NELL2: variants seen among roughly 807,000 people sequenced by gnomAD.
NELL2 encodes protein kinase C-binding protein NELL2.
NELL2 carries 41 observed loss-of-function variants against 109.6 expected under a neutral mutation model. The ratio of observed to expected loss-of-function variants is 0.37; its 90% CI spans 0.29 to 0.49. NELL2 has a LOEUF of 0.49. Ranked by LOEUF, NELL2 falls within the 20% of genes least tolerant of loss-of-function variation. The pLI, the probability that NELL2 is intolerant of heterozygous loss-of-function variation, is 0.98. For missense variants in NELL2, 900 were observed against 1,008.3 expected (o/e 0.89, Z 1.45); for synonymous variants, 355 against 344.7 (o/e 1.03, Z -0.33).
At chr12:44,568,248 A>G (rs754197973) in intron 15 of NELL2, among the ~76,000 whole-genome samples, 5 of 152,176 alleles carry the variant, frequency 3.3e-5, no homozygotes, top group African/African-American at 7.2e-5. Flanking sequence ...GAGTATCACA[A>G]TTTCATGAAA....
chr12:44,543,225 C>T (rs74085094), intron 15 of NELL2, among the ~76,000 whole-genome samples: 6,783 of 151,274 alleles, frequency 0.045, 514 homozygotes, highest in African/African-American at 0.15. Context: ...CCATCAGTTA[C>T]TTGGGCAAAA....
intron 15 of NELL2, among the ~76,000 whole-genome samples, chr12:44,552,135 A>G (rs1259372160): frequency 1.3e-5 from 2 of 152,236 alleles, no homozygotes; most frequent in Non-Finnish European, 2.9e-5. Context: ...AATTTTAAAA[A>G]GATCACTTAA....
chr12:44,854,875 G>C (rs1162285931), intron 2 of NELL2, among the ~76,000 whole-genome samples: 1 of 152,018 alleles, frequency 6.6e-6, no homozygotes, highest in African/African-American at 2.4e-5. Flanking sequence ...ACTTTTTTCA[G>C]AGACCTAGTT....
At position 44,821,046 on chromosome 12, in the gene NELL2, TAC is replaced by T. The variant is rs10664645; in HGVS notation, c.185-4912_185-4911del. 3.2e-3 allele frequency among the ~76,000 whole-genome samples: 482 copies of T among 148,944 alleles called. 3 individuals are homozygous for T. Among genetic ancestry groups the T allele is most frequent in the African/African-American group, 0.011 (426 of 40,382 alleles). On this transcript the variant is annotated intron_variant, in intron 2 of 19. Coordinates refer to ENST00000429094, the MANE Select transcript of NELL2 (RefSeq NM_001145108.2). ...GGGCAGCATATATAAGCTTTATAAA[TAC>T]ACACACACACACACACACACACGTA...
At chr12:44,617,504 G>A (rs868158305) in intron 13 of NELL2, among the ~76,000 whole-genome samples, 16 of 110,924 alleles carry the variant, frequency 1.4e-4, no homozygotes, top group East Asian at 2.0e-4. Flanking sequence ...TGGCTAAAAC[G>A]GTGAAACCCC....
At chr12:44,694,677 A>C (rs1247328390) in intron 12 of NELL2, among the ~76,000 whole-genome samples, 1 of 151,802 alleles carries the variant, frequency 6.6e-6, no homozygotes, top group Non-Finnish European at 1.5e-5. Flanking sequence ...ACAGTTTTGA[A>C]AGTGACAGTG....
chr12:44,724,755 A>AG (rs754923958), intron 9 of NELL2, among the ~76,000 whole-genome samples: 15 of 151,744 alleles, frequency 9.9e-5, no homozygotes, highest in Admixed American at 2.6e-4. Flanking sequence ...GAAAAAAAAA[A>AG]CCTACTTTAA....
chr12:44,633,438 A>G (rs1946525961), intron 13 of NELL2, among the ~76,000 whole-genome samples: 1 of 152,142 alleles, frequency 6.6e-6, no homozygotes, highest in East Asian at 1.9e-4. Flanking sequence ...TTTACCCAGT[A>G]TGATTTGCAG....
chr12:44,825,348 G>A (rs573806701), intron 2 of NELL2, among the ~76,000 whole-genome samples: 1 of 142,500 alleles, frequency 7.0e-6, no homozygotes, highest in Admixed American at 6.9e-5. Flanking sequence ...TTACACCTAC[G>A]TATTTTTATA....
At chr12:44,630,529 C>A (rs747869192) in intron 13 of NELL2, among the ~76,000 whole-genome samples, 5 of 152,078 alleles carry the variant, frequency 3.3e-5, no homozygotes, top group Non-Finnish European at 7.4e-5. Flanking sequence ...CAGATCAACC[C>A]CAGCCACATG....
In NELL2 at chr12:44,888,949, C is replaced by T. The variant is rs550957634; in HGVS notation, c.39-13049G>A. On this transcript the variant is annotated intron_variant, in intron 1 of 20. Coordinates refer to the NELL2 transcript ENST00000333837. ...GAACTTAGGAGCTCTGGGGTCGAGT[C>T]CCTGTCCCTGCTTTCCTAAGCCAGA... Among the ~76,000 whole-genome samples the T allele has an allele frequency of 1.2e-4, 19 of 152,048 alleles. No homozygotes were observed. The East Asian group carries it at 3.5e-3, about 28-fold the overall frequency.
At chr12:44,918,513 ATGTATGTGTGTGTG>A (rs1384600104), upstream of NELL2, among the ~76,000 whole-genome samples, 707 of 121,422 alleles carry the variant, frequency 5.8e-3, 4 homozygotes, top group African/African-American at 0.02. Flanking sequence ...TCATGCATGC[ATGTATGTGTGTGTG>A]TGTGTGTGTG....
intron 15 of NELL2, among the ~76,000 whole-genome samples, chr12:44,538,886 A>G (rs1264772693): frequency 6.6e-6 from 1 of 152,164 alleles, no homozygotes; most frequent in Non-Finnish European, 1.5e-5. Flanking sequence ...TTTGGTTACT[A>G]GAGTCTTAGT....
chr12:44,916,713 C>T (rs1317879885), upstream of NELL2, among the ~76,000 whole-genome samples: 1 of 151,998 alleles, frequency 6.6e-6, no homozygotes, highest in African/African-American at 2.4e-5. Context: ...AAATTTGAGC[C>T]CCTTCAAGGC....
intron 2 of NELL2, among the ~76,000 whole-genome samples, chr12:44,859,236 G>C (rs1467645095): frequency 6.6e-6 from 1 of 152,118 alleles, no homozygotes; most frequent in Non-Finnish European, 1.5e-5. Flanking sequence ...TTGTTAATTT[G>C]AATTGAATTA....
chr12:44,916,795 A>G (rs949768791), upstream of NELL2, among the ~76,000 whole-genome samples: 1 of 152,196 alleles, frequency 6.6e-6, no homozygotes, highest in African/African-American at 2.4e-5. Context: ...CAAGGTCAGA[A>G]AACTCTAAAG....
At chr12:44,533,300 A>T (rs1433567824) in intron 15 of NELL2, among the ~76,000 whole-genome samples, 1 of 152,162 alleles carries the variant, frequency 6.6e-6, no homozygotes, top group Non-Finnish European at 1.5e-5. Flanking sequence ...ACCTTAGTTG[A>T]CACTCTAATA....
At chr12:44,780,098 A>T (rs866746385) in intron 3 of NELL2, 76 bp from the exon 4 acceptor site, 2 of 1,473,078 alleles carry the variant, frequency 1.4e-6, no homozygotes, top group Middle Eastern at 3.6e-4. Flanking sequence ...TGTCTACGGG[A>T]TGGAATAGAT....
chr12:44,696,248 C>T (rs1160910791), intron 12 of NELL2, among the ~76,000 whole-genome samples: 1 of 152,166 alleles, frequency 6.6e-6, no homozygotes, highest in Admixed American at 6.5e-5. Flanking sequence ...AATACAAAAA[C>T]TTATTAGTTA....
Sources: gnomAD v4.1 joint callset for allele counts (sites outside exome capture counted in the v4.1 genomes callset) on GRCh38, gnomAD v4.1.1 for gene constraint, MANE v1.5 for transcripts, NCBI Gene and HGNC (gene_info 2026-07-23, HGNC 2026-07-21) for gene names.